The following KIF13B variants were observed in gnomAD, a reference collection of about 807,000 sequenced individuals.
KIF13B encodes kinesin-like protein KIF13B.
Under a neutral mutation model 222.0 loss-of-function variants are expected in KIF13B, and 127 were observed. The observed-to-expected ratio is 0.57, with a 90% CI of 0.50 to 0.66. The LOEUF (loss-of-function observed/expected upper bound fraction) is 0.66. Ranked by LOEUF, KIF13B falls within the 30% of genes least tolerant of loss-of-function variation. KIF13B has a pLI of 0.00. For synonymous variants in KIF13B, 976 were observed against 919.0 expected (o/e 1.06, Z -1.12); for missense variants, 2,173 against 2,379.0 (o/e 0.91, Z 1.80).
At chr8:29,121,164 C>T (rs1186080838) in intron 29 of KIF13B, among the ~76,000 whole-genome samples, 2 of 149,554 alleles carry the variant, frequency 1.3e-5, no homozygotes, top group African/African-American at 2.5e-5. Flanking sequence ...CCATCCCCAT[C>T]AAGCTACCAA....
chr8:29,188,631 A>G (rs1040908921), intron 4 of KIF13B, 24 bp from the exon 5 acceptor site: 2 of 1,487,024 alleles, frequency 1.3e-6, no homozygotes. Flanking sequence ...AATAAGAGAA[A>G]AGATATTTTA....
chr8:29,146,191 T>G (rs1811050899), intron 18 of KIF13B, 187 bp downstream of exon 18: 3 of 640,352 alleles, frequency 4.7e-6, no homozygotes, highest in African/African-American at 1.8e-5. Context: ...CCCTAGCAGA[T>G]AAAATATACA....
At chr8:29,178,475 A>G (rs1812574560) in intron 8 of KIF13B, among the ~76,000 whole-genome samples, 3 of 152,170 alleles carry the variant, frequency 2.0e-5, no homozygotes, top group African/African-American at 7.2e-5. Flanking sequence ...TATCAAGCAC[A>G]TACATGTAAC....
Position 29,075,333 on chromosome 8 carries a change from C to T in KIF13B, c.4469G>A (p.Arg1490His), listed in dbSNP as rs767471422. The T allele has an allele frequency of 5.4e-5, 84 of 1,558,792 alleles. No homozygotes were observed. The highest frequency in any genetic ancestry group is 1.7e-4 in the Middle Eastern group (1 of 5,846). Residue 1490 changes from arginine to histidine, a missense_variant, in exon 38 of 40, where the codon CGC becomes CAC. Arg to His is a conservative substitution (Grantham distance 29). Around this residue, in one of 2 missense-constraint regions of KIF13B, gnomAD observed 693 missense variants for 656.2 expected, o/e 1.06. Transcript: ENST00000524189. ...CGGGCTGGCTGACTGCACCATGATG[C>T]GGGGCACGGGCTGAGGAGGCAAGTG... ...PSPLAHQPVP[R>H]IMVQSASPDI...
chr8:29,241,105 A>G (rs1815758490), intron 2 of KIF13B, among the ~76,000 whole-genome samples: 1 of 152,260 alleles, frequency 6.6e-6, no homozygotes, highest in African/African-American at 2.4e-5. Flanking sequence ...ACAGACTATT[A>G]TTTCATCATA....
intron 13 of KIF13B, 82 bp downstream of exon 13, chr8:29,160,651 T>C: frequency 2.3e-6 from 3 of 1,321,808 alleles, no homozygotes; most frequent in South Asian, 3.4e-5. Context: ...TGAGTAAGCA[T>C]GGTTCCCCAA....
intron 2 of KIF13B, among the ~76,000 whole-genome samples, chr8:29,220,705 A>T (rs1814703308): frequency 6.6e-6 from 1 of 152,198 alleles, no homozygotes; most frequent in African/African-American, 2.4e-5. Context: ...ATGTCAACTT[A>T]TGCATAAAGA....
intron 35 of KIF13B, among the ~76,000 whole-genome samples, chr8:29,105,650 G>T (rs1353007191): frequency 6.0e-4 from 47 of 78,062 alleles, no homozygotes; most frequent in East Asian, 1.4e-3. Flanking sequence ...AGTTTGTTTG[G>T]TTTTTTTTTT....
intron 2 of KIF13B, among the ~76,000 whole-genome samples, chr8:29,202,385 T>C (rs1004310461): frequency 2.0e-5 from 3 of 152,218 alleles, no homozygotes; most frequent in Admixed American, 6.5e-5. Context: ...TGGCAAGATC[T>C]TGGCTCACTG....
At chr8:29,119,747 G>C (rs1237813737) in intron 29 of KIF13B, among the ~76,000 whole-genome samples, 1 of 152,146 alleles carries the variant, frequency 6.6e-6, no homozygotes, top group Non-Finnish European at 1.5e-5. Context: ...AGCAGGATAA[G>C]GACTTGTGGC....
rs778941544 is a variant in KIF13B, at chr8:29,245,447, TA to T, written c.56-9del. 5 of 1,552,652 alleles carry T rather than the reference TA, an allele frequency of 3.2e-6. No homozygotes were observed. The highest frequency in any genetic ancestry group is 2.1e-5 in the Admixed American group (1 of 48,016). ...TGGTATGCAAGTCAGTCTCTGTGGA[TA>T]AAAAAACAAGAAAAACAGTCATTTT... On this transcript the variant is annotated splice_polypyrimidine_tract_variant and intron_variant, in intron 1 of 39. Transcript: ENST00000524189.
intron 2 of KIF13B, among the ~76,000 whole-genome samples, chr8:29,238,441 G>A (rs916635963): frequency 6.6e-6 from 1 of 152,116 alleles, no homozygotes; most frequent in African/African-American, 2.4e-5. Flanking sequence ...TTCATATTAG[G>A]TACTCATTAA....
At chr8:29,206,018 G>A (rs1320899824) in intron 2 of KIF13B, among the ~76,000 whole-genome samples, 3 of 152,220 alleles carry the variant, frequency 2.0e-5, no homozygotes, top group East Asian at 3.9e-4. Flanking sequence ...TTGAACTGAT[G>A]AGCTTGCACT....
intron 10 of KIF13B, among the ~76,000 whole-genome samples, chr8:29,170,099 A>C (rs1442197498): frequency 1.3e-5 from 2 of 152,248 alleles, no homozygotes; most frequent in Non-Finnish European, 2.9e-5. Context: ...AAATCACAAC[A>C]AAAGAACTGG....
In KIF13B at chr8:29,160,817, T is replaced by G; in HGVS notation, c.1320A>C (p.Gly440=). The G allele has an allele frequency of 6.2e-7, 1 of 1,613,516 alleles. No individual in the cohort carries two copies. Among genetic ancestry groups the G allele is most frequent in the Non-Finnish European group, 8.5e-7 (1 of 1,179,514 alleles). The change falls in exon 13 of 40, where the codon GGA becomes GGC. Residue 440 remains glycine (G), a synonymous_variant. Coordinates refer to ENST00000524189, the MANE Select transcript of KIF13B (RefSeq NM_015254.4). Reference sequence around the variant, plus strand: ...AGCATTTATCATCCCCAACTTTGATTCCCGAAGACTGAAGAGATATTCCAA... The same window carrying G: ...AGCATTTATCATCCCCAACTTTGATGCCCGAAGACTGAAGAGATATTCCAA... The part of the protein sequence containing the change: ...ESLGISLQSS[G]IKVGDDKCFL...
upstream of KIF13B, chr8:29,263,259 G>C (rs1457901950): frequency 1.1e-5 from 6 of 536,786 alleles, no homozygotes; most frequent in Middle Eastern, 4.8e-4. Context: ...GGGAATGCTC[G>C]GGCGCGAGTC....
rs112187738 is a variant in KIF13B, at chr8:29,195,082, T to C, written c.162+1105A>G. Among the ~76,000 whole-genome samples, 687 of 152,152 alleles carry C rather than the reference T, an allele frequency of 4.5e-3. 4 individuals carry two copies. The highest frequency in any genetic ancestry group is 0.016 in the African/African-American group (650 of 41,502). ...GGCCAACATGGTGAAACCCCGTCTC[T>C]ACCAAAAATACAAAACCCAGCTTGG... On this transcript the variant is annotated intron_variant, in intron 3 of 39. Coordinates refer to ENST00000524189, the MANE Select transcript of KIF13B (RefSeq NM_015254.4).
rs1055157098 is a variant in KIF13B at position 29,078,124 on chromosome 8, A to C, written c.4459-2781T>G. ...ATGGTGAAACCGTGTCTCTACTAAA[A>C]TCCAAAAAAAAAAAAAAAAAATTAG... On this transcript the variant is annotated intron_variant, in intron 37 of 39. Transcript: ENST00000524189. 5.0e-4 allele frequency among the ~76,000 whole-genome samples: 67 copies of C among 135,018 alleles called. 1 individual carries two copies. The highest frequency in any genetic ancestry group is 9.6e-4 in the Non-Finnish European group (61 of 63,428). 88.6% of individuals were successfully genotyped at this position (135,018 alleles called of 152,430 possible).
At chr8:29,214,387 A>T (rs1272593853) in intron 2 of KIF13B, among the ~76,000 whole-genome samples, 2 of 152,200 alleles carry the variant, frequency 1.3e-5, no homozygotes, top group Non-Finnish European at 2.9e-5. Flanking sequence ...TTTTTAAAAA[A>T]TTAGACTTAA....
Sources: gnomAD v4.1 joint callset for allele counts (sites outside exome capture counted in the v4.1 genomes callset) on GRCh38, gnomAD v4.1.1 for gene constraint, gnomAD v4.1.1 regional missense constraint, MANE v1.5 for transcripts, NCBI Gene and HGNC (gene_info 2026-07-23, HGNC 2026-07-21) for gene names.